ZNF385D: variants seen among roughly 807,000 people sequenced by gnomAD.
ZNF385D encodes zinc finger protein 385D, also known as zinc finger protein 659.
In ZNF385D, 15 loss-of-function variants were observed where a neutral mutation model predicts 35.8. That is an observed-to-expected ratio of 0.42 (90% CI 0.28 to 0.64). The LOEUF (loss-of-function observed/expected upper bound fraction) is 0.64, where lower values mean the gene tolerates loss of function less well. Ranked by LOEUF, ZNF385D falls within the 30% of genes least tolerant of loss-of-function variation. ZNF385D has a pLI of 0.23. For synonymous variants in ZNF385D, 212 were observed against 186.8 expected (o/e 1.13, Z -1.10); for missense variants, 474 against 494.6 (o/e 0.96, Z 0.39).
chr3:21,590,551 T>TA (rs145448948), intron 2 of ZNF385D, among the ~76,000 whole-genome samples: 23,487 of 152,054 alleles, frequency 0.15, 1,865 homozygotes, highest in East Asian at 0.27. Flanking sequence ...AATTACACCA[T>TA]AAAAAATGAA....
At chr3:21,700,654 C>T (rs1050524011) in intron 1 of ZNF385D, among the ~76,000 whole-genome samples, 21 of 152,076 alleles carry the variant, frequency 1.4e-4, no homozygotes, top group African/African-American at 3.1e-4. Context: ...GTGTGTAAAA[C>T]GGTGAAGAAA....
At chr3:21,795,591 A>G (rs1427776159) in intron 3 of ZNF385D, among the ~76,000 whole-genome samples, 2 of 152,246 alleles carry the variant, frequency 1.3e-5, no homozygotes, top group Admixed American at 1.3e-4. Context: ...AGGAAAGATA[A>G]GCTCAAGTAA....
chr3:21,426,947 ATT>A (rs1285167239), intron 5 of ZNF385D, among the ~76,000 whole-genome samples: 2 of 152,200 alleles, frequency 1.3e-5, no homozygotes, highest in African/African-American at 4.8e-5. Context: ...AAATATCCAT[ATT>A]CTTTTCCATT....
chr3:21,798,015 T>C (rs1471314782), intron 3 of ZNF385D, among the ~76,000 whole-genome samples: 1 of 152,190 alleles, frequency 6.6e-6, no homozygotes, highest in African/African-American at 2.4e-5. Context: ...AGTGCTGTAG[T>C]GTAAACTATG....
chr3:22,250,779 G>T (rs550066125), intron 2 of ZNF385D, among the ~76,000 whole-genome samples: 2 of 152,160 alleles, frequency 1.3e-5, no homozygotes, highest in African/African-American at 4.8e-5. Flanking sequence ...AGTGAGCAAA[G>T]GGCAAAATGT....
chr3:21,545,234 A>G (rs1184809518), intron 3 of ZNF385D, among the ~76,000 whole-genome samples: 2 of 152,214 alleles, frequency 1.3e-5, no homozygotes, highest in Non-Finnish European at 2.9e-5. Flanking sequence ...AATGAGCTAT[A>G]GAACTTTAAC....
rs1293430886 is a variant in ZNF385D at position 22,331,206 on chromosome 3, ATTATT to A, written c.106+41239_106+41243del. On this transcript the variant is annotated intron_variant, in intron 2 of 5. Coordinates refer to the ZNF385D transcript ENST00000494108. ...TAAACATCAGTAATGCAGGCCATTT[ATTATT>A]TTTTTTAGTTTATATCATGCTTTGT... Among the ~76,000 whole-genome samples, 4 of 151,324 alleles carry A rather than the reference ATTATT, an allele frequency of 2.6e-5. No individual in the cohort carries two copies. In the East Asian group the frequency reaches 7.7e-4, roughly 29 times the overall value.
chr3:21,908,445 T>C (rs925638060), intron 3 of ZNF385D, among the ~76,000 whole-genome samples: 2 of 152,012 alleles, frequency 1.3e-5, no homozygotes, highest in African/African-American at 2.4e-5. Context: ...CATGTCAACA[T>C]TTGAGGATAA....
intron 2 of ZNF385D, among the ~76,000 whole-genome samples, chr3:21,569,455 T>C (rs1394601726): frequency 6.6e-6 from 1 of 150,488 alleles, no homozygotes; most frequent in Non-Finnish European, 1.5e-5. Flanking sequence ...CCTATGTGTG[T>C]CTCTGCATGT....
chr3:21,893,595 C>T (rs1028621170), intron 3 of ZNF385D, among the ~76,000 whole-genome samples: 1 of 152,106 alleles, frequency 6.6e-6, no homozygotes, highest in African/African-American at 2.4e-5. Context: ...TGTTTTCCCC[C>T]TGAACTCATT....
intron 3 of ZNF385D, among the ~76,000 whole-genome samples, chr3:21,861,617 G>A (rs1212003977): frequency 6.6e-6 from 1 of 152,104 alleles, no homozygotes; most frequent in Admixed American, 6.6e-5. Flanking sequence ...AAGCCAGATG[G>A]CATATAGGGA....
chr3:21,583,648 AT>A (rs1392559379), intron 2 of ZNF385D, among the ~76,000 whole-genome samples: 8 of 151,876 alleles, frequency 5.3e-5, no homozygotes, highest in African/African-American at 1.7e-4. Flanking sequence ...ATTCTGTCAC[AT>A]TTTTTGTCTT....
At chr3:21,969,968 T>C (rs1372628794) in intron 3 of ZNF385D, among the ~76,000 whole-genome samples, 1 of 152,122 alleles carries the variant, frequency 6.6e-6, no homozygotes, top group East Asian at 1.9e-4. Flanking sequence ...ATCCAGTATC[T>C]CTATAAGTCT....
intron 2 of ZNF385D, among the ~76,000 whole-genome samples, chr3:21,599,497 A>C (rs1426942814): frequency 6.6e-6 from 1 of 152,196 alleles, no homozygotes; most frequent in African/African-American, 2.4e-5. Context: ...AATAGCTACT[A>C]TTATTGAAAA....
In ZNF385D at chr3:21,789,204, A is replaced by G. The variant is rs547147889; in HGVS notation, c.326-124176T>C. 3.9e-5 allele frequency among the ~76,000 whole-genome samples: 6 copies of G among 152,364 alleles called. No homozygotes were observed. The East Asian group carries it at 1.2e-3, about 29-fold the overall frequency. ...ATAAAATACTGATTTAATTAAATCT[A>G]TAATATAATTATCTTTGGAGAATGG... is the stretch of plus-strand genomic sequence containing the variant. On this transcript the variant is annotated intron_variant, in intron 3 of 5. Transcript: ENST00000494108.
At chr3:21,603,702 C>A (rs896698383) in intron 2 of ZNF385D, among the ~76,000 whole-genome samples, 8 of 152,038 alleles carry the variant, frequency 5.3e-5, no homozygotes, top group Admixed American at 2.6e-4. Flanking sequence ...AAAAAAAGTA[C>A]AAGTAGTAAT....
chr3:21,821,725 T>C (rs1694244259), intron 3 of ZNF385D, among the ~76,000 whole-genome samples: 1 of 152,036 alleles, frequency 6.6e-6, no homozygotes, highest in Admixed American at 6.6e-5. Flanking sequence ...CTTTGGAAGT[T>C]CAAGGCAGGA....
chr3:22,287,614 T>A (rs1252206244), intron 2 of ZNF385D, among the ~76,000 whole-genome samples: 1 of 151,978 alleles, frequency 6.6e-6, no homozygotes, highest in African/African-American at 2.4e-5. Context: ...AAAATCTAAC[T>A]TGGCATACAC....
intron 2 of ZNF385D, among the ~76,000 whole-genome samples, chr3:21,567,039 T>G (rs967724334): frequency 3.9e-5 from 6 of 152,230 alleles, no homozygotes; most frequent in African/African-American, 1.4e-4. Flanking sequence ...TTGTTCCTTT[T>G]TATTGCTCAG....
Sources: allele counts gnomAD v4.1 joint callset (sites outside exome capture counted in the v4.1 genomes callset), GRCh38; gene constraint gnomAD v4.1.1; transcripts MANE v1.5; gene names NCBI Gene and HGNC (gene_info 2026-07-23, HGNC 2026-07-21).